Variants in ZBTB20 observed in about 807,000 individuals in gnomAD.
ZBTB20 encodes zinc finger and BTB domain containing 20.
ZBTB20 carries 9 observed loss-of-function variants against 56.9 expected under a neutral mutation model. The ratio of observed to expected loss-of-function variants is 0.16; its 90% CI spans 0.10 to 0.28. The LOEUF is 0.28. Among genes scored for constraint, ZBTB20 ranks in the 10% least tolerant of loss-of-function variants. The probability of loss-of-function intolerance (pLI) is 1.00; values close to 1 mark genes in which losing one functional copy is unlikely to be tolerated. For synonymous variants in ZBTB20, 417 were observed against 420.7 expected (o/e 0.99, Z 0.11); for missense variants, 655 against 1,003.0 (o/e 0.65, Z 4.69).
rs182119484 is a variant in ZBTB20 at position 114,671,207 on chromosome 3, T to C, written c.-295+22321A>G. The stretch of plus-strand genomic sequence containing the variant: ...ATCTGTAAGTAATCTTGTTGTTATA[T>C]GAAACAGTAATATTTATTAAAAGTG... On this transcript the variant is annotated intron_variant, in intron 6 of 11. Transcript: ENST00000675478. Among the ~76,000 whole-genome samples the C allele has an allele frequency of 2.8e-4, 43 of 152,238 alleles. No homozygotes were observed. In the East Asian group the frequency reaches 6.9e-3, roughly 25 times the overall value.
chr3:115,030,944 C>G (rs950359071), intron 2 of ZBTB20, among the ~76,000 whole-genome samples: 2 of 151,318 alleles, frequency 1.3e-5, no homozygotes, highest in African/African-American at 4.8e-5. Context: ...GCTAAGTACC[C>G]TAGTACTTTA....
chr3:114,804,982 G>A (rs1450636536), intron 4 of ZBTB20, among the ~76,000 whole-genome samples: 1 of 151,804 alleles, frequency 6.6e-6, no homozygotes, highest in East Asian at 1.9e-4. Context: ...TAAATAAGAT[G>A]TACACATTAT....
chr3:114,951,239 T>C (rs1406508914), intron 3 of ZBTB20, among the ~76,000 whole-genome samples: 1 of 152,136 alleles, frequency 6.6e-6, no homozygotes, highest in East Asian at 1.9e-4. Flanking sequence ...TTTCCATTGC[T>C]TTTGTTTTTT....
intron 3 of ZBTB20, among the ~76,000 whole-genome samples, chr3:114,958,957 T>C (rs955465402): frequency 6.6e-6 from 1 of 152,136 alleles, no homozygotes; most frequent in African/African-American, 2.4e-5. Context: ...ACACTGTACT[T>C]AGATTTTCAC....
intron 3 of ZBTB20, among the ~76,000 whole-genome samples, chr3:114,957,538 G>A (rs907383667): frequency 1.3e-5 from 2 of 152,094 alleles, no homozygotes; most frequent in Non-Finnish European, 2.9e-5. Context: ...CTATCTTATG[G>A]CCCTAACAGC....
At chr3:114,924,169 GAAT>G (rs1185574069) in intron 3 of ZBTB20, among the ~76,000 whole-genome samples, 2 of 152,020 alleles carry the variant, frequency 1.3e-5, no homozygotes, top group Non-Finnish European at 2.9e-5. Context: ...ATTTAAAATA[GAAT>G]AATTATATGA....
rs71146322 is a variant in ZBTB20 at position 114,454,175 on chromosome 3, G to GGAGAGAGAGAGAGAGAGA, written c.-255+46159_-255+46176dup. Among the ~76,000 whole-genome samples the GGAGAGAGAGAGAGAGAGA allele has an allele frequency of 1.5e-3, 180 of 116,674 alleles. 6 individuals carry two copies. The highest frequency in any genetic ancestry group is 5.0e-3 in the African/African-American group (126 of 25,110). The allele number at this position is 116,674 out of a possible 152,430, so 76.5% of individuals were successfully genotyped here. A position where few individuals can be genotyped will look rare whatever the true frequency, so the allele number is the denominator to read the frequency against. ...AGAGGAAGAGAGAGGAAAAGAGAAG[G>GGAGAGAGAGAGAGAGAGA]GAGAGAGAGAGAGAGAGAGAGAGAG... is the stretch of plus-strand genomic sequence containing the variant. On this transcript the variant is annotated intron_variant, in intron 7 of 11. Transcript: ENST00000675478.
chr3:114,338,812 C>A lies in ZBTB20; in HGVS notation c.*193G>T. 1 of 569,228 alleles carries A rather than the reference C, an allele frequency of 1.8e-6. No individual in the cohort carries two copies. The allele number at this position is 569,228 out of a possible 1,614,324, so 35.3% of individuals were successfully genotyped here. ...CTGGGAAAACTATTATTCACCCAAG[C>A]CTCCGGAAATGTAATGTACCAGCAG... On this transcript the variant is annotated 3_prime_UTR_variant, in exon 12 of 12. Coordinates refer to ENST00000675478, the MANE Select transcript of ZBTB20 (RefSeq NM_001348800.3).
At chr3:114,395,515 G>A (rs931518399) in intron 7 of ZBTB20, among the ~76,000 whole-genome samples, 1 of 152,196 alleles carries the variant, frequency 6.6e-6, no homozygotes, top group African/African-American at 2.4e-5. Context: ...ACATGTTAAG[G>A]AAGTCTATTT....
chr3:114,923,003 C>T (rs905490517), intron 3 of ZBTB20, among the ~76,000 whole-genome samples: 1 of 152,118 alleles, frequency 6.6e-6, no homozygotes, highest in Non-Finnish European at 1.5e-5. Flanking sequence ...CAATAACATA[C>T]TAAGAAATAA....
chr3:114,694,533 T>A (rs1207407683), intron 5 of ZBTB20, among the ~76,000 whole-genome samples: 1 of 151,958 alleles, frequency 6.6e-6, no homozygotes, highest in East Asian at 1.9e-4. Flanking sequence ...TGAAACACTG[T>A]ATAAAAGAAG....
At chr3:114,966,438 T>C (rs553376031) in intron 3 of ZBTB20, among the ~76,000 whole-genome samples, 12 of 152,268 alleles carry the variant, frequency 7.9e-5, no homozygotes, top group Non-Finnish European at 1.5e-4. Context: ...ATTTAAATAA[T>C]CATCAGTTAT....
intron 6 of ZBTB20, among the ~76,000 whole-genome samples, chr3:114,517,485 G>A (rs1440147222): frequency 2.4e-4 from 37 of 152,066 alleles, no homozygotes; most frequent in Admixed American, 2.3e-3. Context: ...CTAGAGGCAC[G>A]TTAAACCACA....
intron 2 of ZBTB20, among the ~76,000 whole-genome samples, chr3:114,976,572 G>A (rs1372325246): frequency 6.6e-6 from 1 of 151,250 alleles, no homozygotes; most frequent in Non-Finnish European, 1.5e-5. Flanking sequence ...GTTGCAGTGA[G>A]CCAAGATCGC....
chr3:114,402,109 T>C (rs1427918096), intron 7 of ZBTB20, among the ~76,000 whole-genome samples: 1 of 152,200 alleles, frequency 6.6e-6, no homozygotes. Context: ...AAAACTTTCT[T>C]TTCTCTTTTG....
chr3:114,499,678 C>A (rs1045562502), intron 7 of ZBTB20, among the ~76,000 whole-genome samples: 1 of 152,158 alleles, frequency 6.6e-6, no homozygotes, highest in Middle Eastern at 3.4e-3. Context: ...TTCAGTGCAG[C>A]CTGGTTTGAA....
At chr3:114,649,671 A>C (rs1384844922) in intron 6 of ZBTB20, among the ~76,000 whole-genome samples, 1 of 151,926 alleles carries the variant, frequency 6.6e-6, no homozygotes, top group African/African-American at 2.4e-5. Flanking sequence ...AAAAAAACAA[A>C]TTCTAATCCA....
intron 6 of ZBTB20, among the ~76,000 whole-genome samples, chr3:114,649,857 C>T (rs2060038947): frequency 6.6e-6 from 1 of 151,808 alleles, no homozygotes; most frequent in Non-Finnish European, 1.5e-5. Context: ...CCTTTAAAAG[C>T]AGTCATAAGA....
intron 4 of ZBTB20, chr3:114,876,662 A>C (rs551131367): frequency 6.6e-6 from 1 of 152,224 alleles, no homozygotes; most frequent in South Asian, 2.1e-4. Flanking sequence ...TGTTGCTGGA[A>C]ATTCACAAGA....
Sources: gnomAD v4.1 joint callset for allele counts (sites outside exome capture counted in the v4.1 genomes callset) on GRCh38, gnomAD v4.1.1 for gene constraint, MANE v1.5 for transcripts, NCBI Gene and HGNC (gene_info 2026-07-23, HGNC 2026-07-21) for gene names.